The following UNC5C variants were observed in gnomAD, a reference collection of about 807,000 sequenced individuals.
UNC5C encodes the protein netrin receptor UNC5C.
In UNC5C, 47 loss-of-function variants were observed where a neutral mutation model predicts 99.8. The observed-to-expected ratio is 0.47, with a 90% CI of 0.37 to 0.60. The LOEUF (loss-of-function observed/expected upper bound fraction) is 0.60, where lower values mean the gene tolerates loss of function less well. UNC5C is among the 20% of genes least tolerant of loss of function. The probability of loss-of-function intolerance (pLI) is 0.00; values close to 1 mark genes in which losing one functional copy is unlikely to be tolerated. For missense variants in UNC5C, 1,062 were observed against 1,165.9 expected (o/e 0.91, Z 1.30); for synonymous variants, 487 against 452.2 (o/e 1.08, Z -0.98).
intron 1 of UNC5C, among the ~76,000 whole-genome samples, chr4:95,374,194 C>A (rs72874456): frequency 6.6e-6 from 1 of 151,982 alleles, no homozygotes; most frequent in African/African-American, 2.4e-5. Context: ...CAACATTTGC[C>A]GGGCTCAGGA....
intron 1 of UNC5C, among the ~76,000 whole-genome samples, chr4:95,486,132 G>A (rs1301559101): frequency 1.3e-5 from 2 of 151,450 alleles, no homozygotes; most frequent in Non-Finnish European, 3.0e-5. Flanking sequence ...ATTTGTTCAA[G>A]GTTAAAAGTC....
At chr4:95,363,937 A>G (rs1744474210) in intron 1 of UNC5C, among the ~76,000 whole-genome samples, 1 of 152,162 alleles carries the variant, frequency 6.6e-6, no homozygotes, top group Admixed American at 6.6e-5. Flanking sequence ...TGAAAACCTC[A>G]TTTGAACTAT....
chr4:95,215,490 T>G (rs1738215730), intron 10 of UNC5C, among the ~76,000 whole-genome samples: 1 of 152,236 alleles, frequency 6.6e-6, no homozygotes, highest in Non-Finnish European at 1.5e-5. Flanking sequence ...CAATGCCTCT[T>G]GTTATTTTTA....
At chr4:95,545,772 G>GCGCGCACACA (rs6148582) in intron 1 of UNC5C, among the ~76,000 whole-genome samples, 22 of 148,400 alleles carry the variant, frequency 1.5e-4, no homozygotes, top group African/African-American at 5.4e-4. Flanking sequence ...GCGCGCGCGC[G>GCGCGCACACA]CACACACACA....
intron 2 of UNC5C, among the ~76,000 whole-genome samples, chr4:95,318,782 C>T (rs1271811923): frequency 6.6e-6 from 1 of 152,192 alleles, no homozygotes; most frequent in East Asian, 1.9e-4. Flanking sequence ...ACACTTCCCT[C>T]AGAAGGCTGC....
At chr4:95,498,306 A>C (rs1367849549) in intron 1 of UNC5C, among the ~76,000 whole-genome samples, 1 of 151,906 alleles carries the variant, frequency 6.6e-6, no homozygotes, top group Non-Finnish European at 1.5e-5. Context: ...TGAGTTTCTT[A>C]TTTTCTAGCC....
chr4:95,425,650 A>G (rs1578156548), intron 1 of UNC5C, among the ~76,000 whole-genome samples: 5 of 152,328 alleles, frequency 3.3e-5, no homozygotes, highest in African/African-American at 1.2e-4. Context: ...TAATTGACTC[A>G]CTTGTTTTTT....
intron 2 of UNC5C, among the ~76,000 whole-genome samples, 163 bp downstream of exon 2, chr4:95,335,247 A>G (rs1483362480): frequency 6.6e-6 from 1 of 152,016 alleles, no homozygotes; most frequent in Non-Finnish European, 1.5e-5. Flanking sequence ...ACTTTTCAAC[A>G]CATGAAACAA....
chr4:95,446,819 G>T (rs1747120746), intron 1 of UNC5C, among the ~76,000 whole-genome samples: 2 of 151,354 alleles, frequency 1.3e-5, no homozygotes, highest in South Asian at 2.2e-4. Context: ...CGATTATCTG[G>T]TTTTTCAATA....
At chr4:95,535,311 T>C (rs79811590) in intron 1 of UNC5C, among the ~76,000 whole-genome samples, 18 of 152,292 alleles carry the variant, frequency 1.2e-4, no homozygotes, top group African/African-American at 4.3e-4. Flanking sequence ...AACATGCTTT[T>C]ATTGGTCCAT....
chr4:95,466,608 T>TG (rs1747787678), intron 1 of UNC5C, among the ~76,000 whole-genome samples: 5 of 152,038 alleles, frequency 3.3e-5, no homozygotes, highest in Admixed American at 3.3e-4. Context: ...ATTAATGCTA[T>TG]AGTTGTTCAG....
At chr4:95,535,039 A>T (rs1467580585) in intron 1 of UNC5C, among the ~76,000 whole-genome samples, 1 of 152,168 alleles carries the variant, frequency 6.6e-6, no homozygotes, top group South Asian at 2.1e-4. Context: ...AATACAGCAA[A>T]TGTACAGTGG....
At chr4:95,286,737 C>A (rs1331034344) in intron 3 of UNC5C, among the ~76,000 whole-genome samples, 1 of 152,150 alleles carries the variant, frequency 6.6e-6, no homozygotes. Context: ...GGGTACAAAA[C>A]CAATCAATCA....
intron 7 of UNC5C, among the ~76,000 whole-genome samples, chr4:95,240,203 T>C (rs922960262): frequency 2.0e-5 from 3 of 152,216 alleles, no homozygotes; most frequent in Admixed American, 2.0e-4. Flanking sequence ...CCATTCTTTT[T>C]CTTAATACTG....
chr4:95,391,784 T>G (rs572749021), intron 1 of UNC5C, among the ~76,000 whole-genome samples: 4 of 148,538 alleles, frequency 2.7e-5, no homozygotes, highest in Non-Finnish European at 4.5e-5. Context: ...AAAAGGCACT[T>G]TTAAAGAGAG....
intron 1 of UNC5C, among the ~76,000 whole-genome samples, chr4:95,434,997 A>G (rs1746736015): frequency 6.6e-6 from 1 of 152,102 alleles, no homozygotes; most frequent in Non-Finnish European, 1.5e-5. Context: ...ATAGTTGAAT[A>G]CATTTTGCAT....
At chr4:95,500,611 C>A (rs775034951) in intron 1 of UNC5C, among the ~76,000 whole-genome samples, 3 of 152,094 alleles carry the variant, frequency 2.0e-5, no homozygotes, top group African/African-American at 4.8e-5. Flanking sequence ...ACAACTTGCT[C>A]TTATTTTGAT....
In UNC5C at chr4:95,247,049, AT is replaced by A. The variant is rs1464614603; in HGVS notation, c.776-1906del. ...GTGAAACCCTGTCTCAAATAAAAAA[AT>A]AAAAAAAAAAGAAAGAAAATTCAAG... On this transcript the variant is annotated intron_variant, in intron 5 of 15. Transcript: ENST00000453304. 4.0e-3 allele frequency among the ~76,000 whole-genome samples: 556 copies of A among 138,188 alleles called. 1 individual carries two copies. Among genetic ancestry groups the A allele is most frequent in the African/African-American group, 0.014 (538 of 39,822 alleles). The allele number at this position is 138,188 out of a possible 152,430, so 90.7% of individuals were successfully genotyped here.
chr4:95,285,974 G>C (rs1741220827), intron 3 of UNC5C, among the ~76,000 whole-genome samples: 1 of 152,106 alleles, frequency 6.6e-6, no homozygotes, highest in Non-Finnish European at 1.5e-5. Context: ...CTATCCATTT[G>C]ACCTTAAGCA....
Sources: allele counts gnomAD v4.1 joint callset (sites outside exome capture counted in the v4.1 genomes callset), GRCh38; gene constraint gnomAD v4.1.1; transcripts MANE v1.5; gene names NCBI Gene and HGNC (gene_info 2026-07-23, HGNC 2026-07-21).